Variants in RAMP3 observed in about 807,000 individuals in gnomAD.
RAMP3 encodes receptor activity-modifying protein 3.
A neutral mutation model predicts 13.5 loss-of-function variants in RAMP3; 14 were observed. That is an observed-to-expected ratio of 1.04 (90% CI 0.69 to 1.63). The LOEUF is 1.63. RAMP3 is among the 40% of genes most tolerant of loss of function. RAMP3 has a pLI of 0.00. For missense variants in RAMP3, 200 were observed against 204.8 expected, an observed-to-expected ratio of 0.98 and a Z score of 0.14; for synonymous variants, 106 against 88.3, an observed-to-expected ratio of 1.20 and a Z score of -1.12.
At position 45,165,277 on chromosome 7, in the gene RAMP3, A is replaced by G. The variant is rs188453467; in HGVS notation, c.58+7391A>G. 2.5e-3 allele frequency among the ~76,000 whole-genome samples: 381 copies of G among 152,322 alleles called. 6 individuals are homozygous for G. Among genetic ancestry groups the G allele is most frequent in the African/African-American group, 8.9e-3 (370 of 41,574 alleles). ...CTGAACTTTATGCCATTGCTGTCAT[A>G]TATTTTATTTAAATCAAAGTTATAA... On this transcript the variant is annotated intron_variant, in intron 1 of 2. Coordinates refer to ENST00000242249, the MANE Select transcript of RAMP3 (RefSeq NM_005856.3).
At chr7:45,163,963 T>TTCAGA (rs1785912721) in intron 1 of RAMP3, 1 of 886,764 alleles carries the variant, frequency 1.1e-6, no homozygotes, top group Non-Finnish European at 1.4e-6. Flanking sequence ...TTGGGTTAAG[T>TTCAGA]GGGAGAGTAC....
At position 45,184,226 on chromosome 7, in the gene RAMP3, G is replaced by T; in HGVS notation, c.*814G>T. ...ATCTGCTACCATCTGTGTTTTATCT[G>T]AGTAAAGTTACCTTACTTCTGGAAT... On this transcript the variant is annotated 3_prime_UTR_variant, in exon 3 of 3. Transcript: ENST00000242249. The T allele has an allele frequency of 2.5e-6, 1 of 398,480 alleles. No homozygotes were observed. The highest frequency in any genetic ancestry group is 1.3e-4 in the South Asian group (1 of 7,734). 24.7% of individuals were successfully genotyped at this position (398,480 alleles called of 1,614,324 possible).
intron 1 of RAMP3, among the ~76,000 whole-genome samples, chr7:45,176,170 G>A (rs1180391665): frequency 6.6e-6 from 1 of 152,152 alleles, no homozygotes; most frequent in Admixed American, 6.5e-5. Flanking sequence ...CTCATCTTGC[G>A]GATGGGGAAA....
At chr7:45,161,697 CA>C in intron 1 of RAMP3, among the ~76,000 whole-genome samples, 1 of 137,580 alleles carries the variant, frequency 7.3e-6, no homozygotes, top group South Asian at 2.3e-4. Flanking sequence ...GAGGGGGAGG[CA>C]GAGGAGGAAG....
chr7:45,167,830 C>T (rs56119642), intron 1 of RAMP3, among the ~76,000 whole-genome samples: 39,721 of 151,608 alleles, frequency 0.26, 6,277 homozygotes, highest in African/African-American at 0.44. Context: ...AGGTGATCCA[C>T]CCGCCATGGC....
chr7:45,180,978 G>T (rs545286756), intron 2 of RAMP3, among the ~76,000 whole-genome samples: 1 of 152,358 alleles, frequency 6.6e-6, no homozygotes, highest in Admixed American at 6.5e-5. Flanking sequence ...AGATTTTGTG[G>T]ATCCACAGAG....
At chr7:45,159,409 C>T (rs1220215157) in intron 1 of RAMP3, among the ~76,000 whole-genome samples, 1 of 152,196 alleles carries the variant, frequency 6.6e-6, no homozygotes, top group African/African-American at 2.4e-5. Context: ...GGGTGGGTTC[C>T]TCTTGACTGA....
intron 1 of RAMP3, among the ~76,000 whole-genome samples, chr7:45,168,183 C>T (rs1386454191): frequency 1.3e-5 from 2 of 151,762 alleles, no homozygotes; most frequent in Non-Finnish European, 2.9e-5. Context: ...GGTGGATCAC[C>T]TGAGGTCAGG....
At chr7:45,179,987 C>T (rs553070590) in intron 2 of RAMP3, among the ~76,000 whole-genome samples, 5 of 152,350 alleles carry the variant, frequency 3.3e-5, no homozygotes, top group South Asian at 4.1e-4. Flanking sequence ...CTGAGAATTT[C>T]GGACTGTGAT....
At chr7:45,172,342 G>A (rs1294947) in intron 1 of RAMP3, among the ~76,000 whole-genome samples, 117,116 of 152,170 alleles carry the variant, frequency 0.77, 45,499 homozygotes, top group Middle Eastern at 0.86. Flanking sequence ...AACAGGTTGT[G>A]GCTCAAATGT....
At chr7:45,162,620 C>T (rs1009943895) in intron 1 of RAMP3, among the ~76,000 whole-genome samples, 4 of 152,192 alleles carry the variant, frequency 2.6e-5, no homozygotes, top group Non-Finnish European at 5.9e-5. Context: ...CTTTAAGTAC[C>T]TGCCCTGTCT....
intron 1 of RAMP3, among the ~76,000 whole-genome samples, chr7:45,158,939 G>A (rs1372821851): frequency 6.6e-6 from 1 of 152,204 alleles, no homozygotes; most frequent in Non-Finnish European, 1.5e-5. Context: ...GAAATCAGGA[G>A]CATGCTGATT....
chr7:45,181,258 C>T (rs1034701295), intron 2 of RAMP3, among the ~76,000 whole-genome samples: 17 of 152,264 alleles, frequency 1.1e-4, no homozygotes, highest in Non-Finnish European at 2.5e-4. Flanking sequence ...CAACCTGAGC[C>T]TGAAGCCACT....
intron 1 of RAMP3, among the ~76,000 whole-genome samples, chr7:45,171,165 T>C (rs1400450150): frequency 6.6e-6 from 1 of 151,986 alleles, no homozygotes; most frequent in Non-Finnish European, 1.5e-5. Context: ...TCTTTCTTTT[T>C]TTTTTTTCGA....
chr7:45,170,155 T>C (rs981199039), intron 1 of RAMP3, among the ~76,000 whole-genome samples: 2 of 78,960 alleles, frequency 2.5e-5, no homozygotes, highest in Admixed American at 2.8e-4. Flanking sequence ...AAAAGCTTTT[T>C]TTTTTTAATG....
chr7:45,167,994 A>T (rs1786004425), intron 1 of RAMP3, among the ~76,000 whole-genome samples: 2 of 152,202 alleles, frequency 1.3e-5, no homozygotes, highest in South Asian at 2.1e-4. Context: ...TGCGATTTTG[A>T]TAGGGATTGC....
At chr7:45,161,718 G>A (rs1298102011) in intron 1 of RAMP3, among the ~76,000 whole-genome samples, 1 of 151,982 alleles carries the variant, frequency 6.6e-6, no homozygotes, top group Non-Finnish European at 1.5e-5. Context: ...GAAGAACTGG[G>A]CTGGGTCTCG....
Position 45,183,214 on chromosome 7 carries a change from C to T in RAMP3, c.249C>T (p.Tyr83=), listed in dbSNP as rs1562573003. 4 of 1,613,620 alleles carry T rather than the reference C, an allele frequency of 2.5e-6. No homozygotes were observed. The Admixed American group carries it at 5.0e-5, about 20-fold the overall frequency. Residue 83 remains tyrosine, a synonymous_variant, in exon 3 of 3, where the codon TAC becomes TAT. Coordinates refer to ENST00000242249, the MANE Select transcript of RAMP3 (RefSeq NM_005856.3). The part of the protein sequence containing the change: ...TEMEANVVGC[Y]WPNPLAQGFI... ...TGGAGGCCAATGTCGTGGGCTGCTA[C>T]TGGCCCAACCCCCTGGCCCAGGGCT...
At chr7:45,158,222 C>T (rs1432104765) in intron 1 of RAMP3, among the ~76,000 whole-genome samples, 7 of 152,350 alleles carry the variant, frequency 4.6e-5, no homozygotes, top group South Asian at 2.1e-4. Flanking sequence ...AGAGGTGGAC[C>T]AGGTCTGGCT....
Sources: gnomAD v4.1 joint callset for allele counts (sites outside exome capture counted in the v4.1 genomes callset) on GRCh38, gnomAD v4.1.1 for gene constraint, MANE v1.5 for transcripts, NCBI Gene and HGNC (gene_info 2026-07-23, HGNC 2026-07-21) for gene names.